The following FLG2 variants were observed in gnomAD, a reference collection of about 807,000 sequenced individuals.
FLG2 encodes filaggrin 2.
FLG2 carries 7 observed loss-of-function variants against 3.9 expected under a neutral mutation model. The ratio of observed to expected loss-of-function variants is 1.79; its 90% confidence interval spans 1.02 to 3.36. The LOEUF (loss-of-function observed/expected upper bound fraction) is 3.36, where lower values mean the gene tolerates loss of function less well. Ranked by LOEUF, FLG2 falls within the 30% of genes most tolerant of loss-of-function variation. The pLI, the probability that FLG2 is intolerant of heterozygous loss-of-function variation, is 0.00. For synonymous variants in FLG2, 1,031 were observed against 1,056.1 expected, an observed-to-expected ratio of 0.98 and a Z score of 0.46; for missense variants, 2,700 against 2,809.4, an observed-to-expected ratio of 0.96 and a Z score of 0.88.
In FLG2 at chr1:152,356,715, A is replaced by C. The variant is rs777390975; in HGVS notation, c.1071T>G (p.Ala357=). The C allele has an allele frequency of 1.2e-6, 2 of 1,614,156 alleles. No homozygotes were observed. The highest frequency in any genetic ancestry group is 2.2e-5 in the South Asian group (2 of 91,078). Reference sequence around the variant, plus strand: ...AGTTCTGTGGTTGACCATTTTCTCTAGCTCCATATCCTCTCTGACTATAGG... The same window carrying C: ...AGTTCTGTGGTTGACCATTTTCTCTCGCTCCATATCCTCTCTGACTATAGG... ...SQSYSQRGYG[A]RENGQPQNCG... Residue 357 remains alanine, a synonymous_variant, in exon 3 of 3, where the codon GCT becomes GCG. Coordinates refer to ENST00000388718, the MANE Select transcript of FLG2 (RefSeq NM_001014342.3).
At position 152,354,843 on chromosome 1, in the gene FLG2, T is replaced by G. The variant is rs1478321072; in HGVS notation, c.2943A>C (p.Ser981=). 1.2e-6 allele frequency: 2 copies of G among 1,613,726 alleles called. No homozygotes were observed. Among genetic ancestry groups the G allele is most frequent in the South Asian group, 2.2e-5 (2 of 91,068 alleles). ...GCTGTCCAAAGCCAGAGGATTTTCCTGAGCCTGACTCATGTTGTCCAAAGC... is the reference window on the plus strand; with the variant it reads ...GCTGTCCAAAGCCAGAGGATTTTCCGGAGCCTGACTCATGTTGTCCAAAGC... ...SSGFGQHESG[S]GKSSGFGQHE... The change falls in exon 3 of 3, where the codon TCA becomes TCC. Residue 981 remains serine (S), a synonymous_variant. Coordinates refer to ENST00000388718, the MANE Select transcript of FLG2 (RefSeq NM_001014342.3).
At position 152,356,524 on chromosome 1, in the gene FLG2, G is replaced by C; in HGVS notation, c.1262C>G (p.Ser421Cys). The C allele has an allele frequency of 6.2e-7, 1 of 1,614,226 alleles. No homozygotes were observed. The highest frequency in any genetic ancestry group is 8.5e-7 in the Non-Finnish European group (1 of 1,180,044). ...NEFSKCDQYG[S>C]GSSQSTSFEQ... is the part of the protein sequence containing the mutation. The stretch of plus-strand genomic sequence containing the variant: ...AAAGCTAGTAGACTGACTTGAACCA[G>C]ACCCATATTGATCACATTTGGAAAA... The change falls in exon 3 of 3, where the codon TCT (serine) becomes TGT (cysteine). Residue 421 changes from serine to cysteine, a missense_variant. Ser to Cys is a moderately radical substitution (Grantham distance 112, BLOSUM62 -1). Transcript: ENST00000388718.
chr1:152,352,917 C>T lies in FLG2; in HGVS notation c.4869G>A (p.Gln1623=). 2 of 1,613,842 alleles carry T rather than the reference C, an allele frequency of 1.2e-6. No individual in the cohort carries two copies. Among genetic ancestry groups the T allele is most frequent in the Non-Finnish European group, 1.7e-6 (2 of 1,179,984 alleles). The stretch of plus-strand genomic sequence containing the variant: ...GGGAATGTCCAGTGGTATCTCCTAT[C>T]TGTCCATGAGTAGTTCCGTGTCTCT... ...VHERHGTTHG[Q]IGDTTGHSHS... The change falls in exon 3 of 3, where the codon CAG becomes CAA. Residue 1623 remains glutamine (Q), a synonymous_variant. Transcript: ENST00000388718.
Position 152,350,704 on chromosome 1 carries a change from T to C in FLG2, c.7082A>G (p.Tyr2361Cys), listed in dbSNP as rs1653872280. The C allele has an allele frequency of 9.3e-6, 15 of 1,614,094 alleles. No individual in the cohort carries two copies. The highest frequency in any genetic ancestry group is 1.7e-5 in the Admixed American group (1 of 60,008). ...PAEYDYGHTGYGPSGGSRKSI... is the reference protein window; with the variant it reads ...PAEYDYGHTGCGPSGGSRKSI... ...TTTTCTGCTGCCACCAGAAGGCCCATACCCAGTGTGCCCATAGTCATATTC... is the reference window on the plus strand; with the variant it reads ...TTTTCTGCTGCCACCAGAAGGCCCACACCCAGTGTGCCCATAGTCATATTC... Residue 2361 changes from tyrosine to cysteine, a missense_variant, in exon 3 of 3, where the codon TAT becomes TGT. Tyr to Cys is a radical substitution (Grantham distance 194). Transcript: ENST00000388718.
At chr1:152,358,209 G>C (rs553836897) in intron 2 of FLG2, among the ~76,000 whole-genome samples, 7 of 152,048 alleles carry the variant, frequency 4.6e-5, no homozygotes, top group Non-Finnish European at 1.0e-4. Context: ...TTTTAGTAGA[G>C]ATGGGGTTTC....
chr1:152,352,345 C>A lies in FLG2; in HGVS notation c.5441G>T (p.Gly1814Val). 1 of 1,612,480 alleles carries A rather than the reference C, an allele frequency of 6.2e-7. No individual in the cohort carries two copies. The highest frequency in any genetic ancestry group is 8.5e-7 in the Non-Finnish European group (1 of 1,179,698). The change falls in exon 3 of 3, where the codon GGG (glycine) becomes GTG (valine). Residue 1814 changes from glycine to valine, a missense_variant. Transcript: ENST00000388718. ...TCGTGAGTGTGGTCTTTGTGAGAAC[C>A]CTGAGTGCCCTTCACTGTCACTGTA... ...SEYSDSEGHS[G>V]FSQRPHSRGH...
rs548046366 is a variant in FLG2, at chr1:152,349,507, C to T, written c.*1103G>A. On this transcript the variant is annotated 3_prime_UTR_variant, in exon 3 of 3. Coordinates refer to ENST00000388718, the MANE Select transcript of FLG2 (RefSeq NM_001014342.3). ...TGGAGCCTTACAAAAACACCTGGCA[C>T]CAAACAAAAGTAATATAGTACAGAA... The T allele has an allele frequency of 1.3e-5, 2 of 152,618 alleles. No homozygotes were observed. The highest frequency in any genetic ancestry group is 4.8e-5 in the African/African-American group (2 of 41,504). The allele number at this position is 152,618 out of a possible 1,614,324, so 9.5% of individuals were successfully genotyped here.
In FLG2 at chr1:152,352,765, T is replaced by G. The variant is rs151207521; in HGVS notation, c.5021A>C (p.His1674Pro). 4,372 of 1,613,836 alleles carry G rather than the reference T, an allele frequency of 2.7e-3. 17 individuals are homozygous for G. Among genetic ancestry groups the G allele is most frequent in the Non-Finnish European group, 3.2e-3 (3,808 of 1,179,946 alleles). The change falls in exon 3 of 3, where the codon CAT becomes CCT. Residue 1674 changes from histidine to proline, a missense_variant. Physicochemically the swap from His to Pro is moderately conservative, Grantham distance 77 (BLOSUM62 -2). Coordinates refer to ENST00000388718, the MANE Select transcript of FLG2 (RefSeq NM_001014342.3). ...TCCATGTTGAGATCCAGCTTGACCA[T>G]GAGTGTGTCCTGTATGTGTGTGTGA... ...GVSHTHTGHT[H>P]GQAGSQHGQS...
At position 152,356,465 on chromosome 1, in the gene FLG2, C is replaced by G; in HGVS notation, c.1321G>C (p.Gly441Arg). ...GAGCCACATACATGTTGTTCGAACCCAGAGGACTGACTCAAGCCTGTTCCA... is the reference window on the plus strand; with the variant it reads ...GAGCCACATACATGTTGTTCGAACCGAGAGGACTGACTCAAGCCTGTTCCA... ...QHGTGLSQSS[G>R]FEQHVCGSGQ... Residue 441 changes from glycine (G) to arginine (R), a missense_variant, in exon 3 of 3, where the codon GGG (glycine) becomes CGG (arginine). Gly to Arg is a moderately radical substitution (Grantham distance 125). Transcript: ENST00000388718. 1 of 1,614,238 alleles carries G rather than the reference C, an allele frequency of 6.2e-7. No homozygotes were observed. Among genetic ancestry groups the G allele is most frequent in the Non-Finnish European group, 8.5e-7 (1 of 1,180,046 alleles).
At position 152,356,205 on chromosome 1, in the gene FLG2, T is replaced by A; in HGVS notation, c.1581A>T (p.Gln527His). Residue 527 changes from glutamine (Q) to histidine (H), a missense_variant, in exon 3 of 3, where the codon CAA becomes CAT. By Grantham distance (24) the Gln-to-His change is conservative. Transcript: ENST00000388718. Reference protein sequence around the residue: ...GFGQHGSVSGQSSGFGQHESR... With the variant: ...GFGQHGSVSGHSSGFGQHESR... ...ACTCATGTTGTCCAAAACCAGAGGA[T>A]TGTCCTGAGACAGACCCATGCTGTC... 1 of 1,612,150 alleles carries A rather than the reference T, an allele frequency of 6.2e-7. No homozygotes were observed. Among genetic ancestry groups the A allele is most frequent in the Non-Finnish European group, 8.5e-7 (1 of 1,179,406 alleles).
rs968564428 is a variant in FLG2, at chr1:152,356,952, A to T, written c.834T>A (p.His278Gln). 1.9e-6 allele frequency: 3 copies of T among 1,614,092 alleles called. No individual in the cohort carries two copies. The highest frequency in any genetic ancestry group is 2.2e-5 in the South Asian group (2 of 91,092). The part of the protein sequence containing the change: ...SGSGDSGRRS[H>Q]ACGYSNSSGC... Reference sequence around the variant, plus strand: ...CACTTGAATTGCTATAACCACATGCATGACTTCGCCTCCCACTGTCTCCTG... The same window carrying T: ...CACTTGAATTGCTATAACCACATGCTTGACTTCGCCTCCCACTGTCTCCTG... Residue 278 changes from histidine to glutamine, a missense_variant, in exon 3 of 3, where the codon CAT (histidine) becomes CAA (glutamine). Transcript: ENST00000388718.
In FLG2 at chr1:152,351,911, T is replaced by C; in HGVS notation, c.5875A>G (p.Ser1959Gly). The change falls in exon 3 of 3, where the codon AGT (serine) becomes GGT (glycine). Residue 1959 changes from serine to glycine, a missense_variant. Physicochemically the swap from Ser to Gly is moderately conservative, Grantham distance 56. Transcript: ENST00000388718. Reference sequence around the variant, plus strand: ...ACCCCTGAGGGCCCTTCACTGTCACTGTACTCACTGTGGCCAGATCCCCTT... The same window carrying C: ...ACCCCTGAGGGCCCTTCACTGTCACCGTACTCACTGTGGCCAGATCCCCTT... ...GRRGSGHSEY[S>G]DSEGPSGVSH... 1.2e-6 allele frequency: 2 copies of C among 1,614,046 alleles called. No individual in the cohort carries two copies. Among genetic ancestry groups the C allele is most frequent in the African/African-American group, 2.7e-5 (2 of 74,998 alleles).
chr1:152,357,148 A>C lies in FLG2; in HGVS notation c.638T>G (p.Ile213Ser). Reference sequence around the variant, plus strand: ...CTCCCCAGATTCCCTAGAAGGGCTAATGTGTGACTTGTTTATTCTTTCTCT... The same window carrying C: ...CTCCCCAGATTCCCTAGAAGGGCTACTGTGTGACTTGTTTATTCTTTCTCT... ...ELRERINKSH[I>S]SPSRESGEEY... is the part of the protein sequence containing the mutation. The change falls in exon 3 of 3, where the codon ATT (isoleucine) becomes AGT (serine). Residue 213 changes from isoleucine to serine, a missense_variant. Coordinates refer to ENST00000388718, the MANE Select transcript of FLG2 (RefSeq NM_001014342.3). 6.2e-7 allele frequency: 1 copy of C among 1,614,088 alleles called. No individual in the cohort carries two copies. Among genetic ancestry groups the C allele is most frequent in the Non-Finnish European group, 8.5e-7 (1 of 1,180,012 alleles).
intron 1 of FLG2, 88 bp downstream of exon 1, chr1:152,359,868 A>G (rs190594907): frequency 3.3e-5 from 5 of 152,356 alleles, no homozygotes; most frequent in African/African-American, 1.2e-4. Context: ...CAAAATATAC[A>G]TGAACTCTGC....
rs1469105863 is a variant in FLG2, at chr1:152,356,210, C to T, written c.1576G>A (p.Gly526Arg). 1.2e-6 allele frequency: 2 copies of T among 1,613,680 alleles called. No individual in the cohort carries two copies. The highest frequency in any genetic ancestry group is 1.7e-5 in the Admixed American group (1 of 60,010). ...SGFGQHGSVS[G>R]QSSGFGQHES... ...TGTTGTCCAAAACCAGAGGATTGTC[C>T]TGAGACAGACCCATGCTGTCCAAAA... Residue 526 changes from glycine to arginine, a missense_variant, in exon 3 of 3, where the codon GGA becomes AGA. By Grantham distance (125) the Gly-to-Arg change is moderately radical. Transcript: ENST00000388718.
chr1:152,354,051 AT>A lies in FLG2; in HGVS notation c.3734del (p.Asn1245IlefsTer20). On this transcript the variant is annotated frameshift_variant, in exon 3 of 3. Coordinates refer to ENST00000388718, the MANE Select transcript of FLG2 (RefSeq NM_001014342.3). LOFTEE classifies it low-confidence loss of function (END_TRUNC). ...GACCAGACTGGCTATGTCTAGTGGT[AT>A]TTATTGTCTGACCATGAGTAGTTTC... ...RQETTHGQTINTTRHSQSGQG... is the reference protein window; with the variant it reads ...RQETTHGQTIXTTRHSQSGQG... 1 of 1,614,128 alleles carries A rather than the reference AT, an allele frequency of 6.2e-7. No individual in the cohort carries two copies.
In FLG2 at chr1:152,356,337, C is replaced by G; in HGVS notation, c.1449G>C (p.Gly483=). ...SGKTSGFGQH[G]SGSGQSSGFG... ...AGCCAGAGGACTGACCTGAGCCAGA[C>G]CCATGTTGTCCAAAGCCAGATGTCT... The change falls in exon 3 of 3, where the codon GGG becomes GGC. Residue 483 remains glycine, a synonymous_variant. Coordinates refer to ENST00000388718, the MANE Select transcript of FLG2 (RefSeq NM_001014342.3). 5 of 1,614,134 alleles carry G rather than the reference C, an allele frequency of 3.1e-6. No homozygotes were observed. The highest frequency in any genetic ancestry group is 4.2e-6 in the Non-Finnish European group (5 of 1,180,020).
chr1:152,357,395 G>A lies in FLG2; in HGVS notation c.391C>T (p.His131Tyr), dbSNP rs1654285183. Residue 131 changes from histidine to tyrosine, a missense_variant, in exon 3 of 3, where the codon CAT becomes TAT. By Grantham distance (83) the His-to-Tyr change is moderately conservative (BLOSUM62 2). Coordinates refer to ENST00000388718, the MANE Select transcript of FLG2 (RefSeq NM_001014342.3). ...DTPGHKSGYRHSSWSEGEEHG... is the reference protein window; with the variant it reads ...DTPGHKSGYRYSSWSEGEEHG... ...TCCTCTCCCTCACTCCAACTTGAAT[G>A]TCTGTAACCTGATTTATGTCCTGGT... 5.6e-6 allele frequency: 9 copies of A among 1,614,130 alleles called. No homozygotes were observed. Among genetic ancestry groups the A allele is most frequent in the Non-Finnish European group, 7.6e-6 (9 of 1,180,030 alleles).
At position 152,352,219 on chromosome 1, in the gene FLG2, C is replaced by T; in HGVS notation, c.5567G>A (p.Gly1856Glu). ...CTGTCCATGACCAGATTGAGAATGT[C>T]CACTGGTATCTCCTGTCTGTCCATG... Reference protein sequence around the residue: ...TTHGQTGDTSGHSQSGHGQST... With the variant: ...TTHGQTGDTSEHSQSGHGQST... Residue 1856 changes from glycine to glutamate, a missense_variant, in exon 3 of 3, where the codon GGA (glycine) becomes GAA (glutamate). Transcript: ENST00000388718. 1 of 1,612,456 alleles carries T rather than the reference C, an allele frequency of 6.2e-7. No homozygotes were observed. The highest frequency in any genetic ancestry group is 8.5e-7 in the Non-Finnish European group (1 of 1,179,566).
Sources: allele counts gnomAD v4.1 joint callset (sites outside exome capture counted in the v4.1 genomes callset), GRCh38; gene constraint gnomAD v4.1.1; transcripts MANE v1.5; gene names NCBI Gene and HGNC (gene_info 2026-07-23, HGNC 2026-07-21).